Variants in CLINT1 observed in about 807,000 individuals in gnomAD.
CLINT1 encodes clathrin interactor 1, also known as clathrin interacting protein localized in the trans-Golgi region.
CLINT1 carries 15 observed loss-of-function variants against 70.4 expected under a neutral mutation model. That is an observed-to-expected ratio of 0.21 (90% CI 0.14 to 0.33). The LOEUF (loss-of-function observed/expected upper bound fraction) is 0.33, where lower values mean the gene tolerates loss of function less well. Ranked by LOEUF, CLINT1 falls within the 10% of genes least tolerant of loss-of-function variation. The probability of loss-of-function intolerance (pLI) is 1.00; values close to 1 mark genes in which losing one functional copy is unlikely to be tolerated. For missense variants in CLINT1, 615 were observed against 778.1 expected (o/e 0.79, Z 2.49); for synonymous variants, 227 against 254.7 (o/e 0.89, Z 1.04).
intron 11 of CLINT1, among the ~76,000 whole-genome samples, chr5:157,789,051 TTTTG>T (rs1464105641): frequency 6.6e-6 from 1 of 152,058 alleles, no homozygotes; most frequent in Non-Finnish European, 1.5e-5. Flanking sequence ...ATCAGATGAT[TTTTG>T]TTTGTCCATC....
At chr5:157,858,829 AG>A in intron 1 of CLINT1, 100 bp downstream of exon 1, 1 of 1,260,034 alleles carries the variant, frequency 7.9e-7, no homozygotes, top group Non-Finnish European at 1.1e-6. Context: ...TGGCAGAGCC[AG>A]GGGGCGTGAC....
intron 10 of CLINT1, chr5:157,790,472 G>A (rs777454302): frequency 1.9e-4 from 61 of 326,182 alleles, no homozygotes; most frequent in Non-Finnish European, 3.4e-4. Flanking sequence ...AACAGGAAGA[G>A]GAAGAATAAT....
At chr5:157,813,367 G>T in intron 4 of CLINT1, 140 bp from the exon 5 acceptor site, 1 of 798,310 alleles carries the variant, frequency 1.3e-6, no homozygotes, top group Non-Finnish European at 1.9e-6. Flanking sequence ...GGCAAGTTGT[G>T]CTATTTAACT....
intron 8 of CLINT1, among the ~76,000 whole-genome samples, chr5:157,799,027 A>G (rs1762141235): frequency 6.6e-6 from 1 of 152,152 alleles, no homozygotes; most frequent in Admixed American, 6.5e-5. Flanking sequence ...ATGAAAAGTC[A>G]TATCTAAAAG....
chr5:157,838,518 C>T (rs945365930), intron 1 of CLINT1, among the ~76,000 whole-genome samples: 2 of 152,212 alleles, frequency 1.3e-5, no homozygotes, highest in African/African-American at 4.8e-5. Context: ...TTAATTTTAT[C>T]TATAAATTCT....
chr5:157,823,887 C>T (rs182822357), intron 1 of CLINT1: 130 of 156,130 alleles, frequency 8.3e-4, no homozygotes, highest in Admixed American at 2.8e-3. Context: ...CAGTGGTGGC[C>T]TTAGGAGCGT....
chr5:157,806,554 C>T (rs1762390311), intron 6 of CLINT1, among the ~76,000 whole-genome samples: 1 of 152,090 alleles, frequency 6.6e-6, no homozygotes, highest in Non-Finnish European at 1.5e-5. Flanking sequence ...CAACACAATT[C>T]TGCATCAACT....
At position 157,787,512 on chromosome 5, in the gene CLINT1, C is replaced by G. The variant is rs1164469675; in HGVS notation, c.*134G>C. 5 of 798,442 alleles carry G rather than the reference C, an allele frequency of 6.3e-6. No homozygotes were observed. Among genetic ancestry groups the G allele is most frequent in the Non-Finnish European group, 1.0e-5 (5 of 501,764 alleles). The allele number at this position is 798,442 out of a possible 1,614,324, so 49.5% of individuals were successfully genotyped here. On this transcript the variant is annotated 3_prime_UTR_variant, in exon 12 of 12. Transcript: ENST00000411809. ...GGATATTTCACTTTTATAAAACAGC[C>G]TTTTTGGTTCTTTATGTAGATTTAT...
rs1224817278 is a variant in CLINT1 at position 157,787,099 on chromosome 5, G to C, written c.*547C>G. 1 of 153,462 alleles carries C rather than the reference G, an allele frequency of 6.5e-6. No individual in the cohort carries two copies. Among genetic ancestry groups the C allele is most frequent in the Non-Finnish European group, 1.5e-5 (1 of 68,878 alleles). The allele number at this position is 153,462 out of a possible 1,614,324, so 9.5% of individuals were successfully genotyped here. A position where few individuals can be genotyped will look rare whatever the true frequency, so the allele number is the denominator to read the frequency against. On this transcript the variant is annotated 3_prime_UTR_variant, in exon 12 of 12. Transcript: ENST00000411809. ...CATTAGCAAAAGTATATACATTCCA[G>C]TTACCTTTGATTTAGCCATAATCAC...
chr5:157,816,081 G>A (rs765163797), intron 3 of CLINT1, among the ~76,000 whole-genome samples: 5 of 152,118 alleles, frequency 3.3e-5, no homozygotes, highest in Non-Finnish European at 5.9e-5. Flanking sequence ...GAATGACACT[G>A]AATGTTTTCA....
At chr5:157,800,534 T>C (rs1253379846) in intron 8 of CLINT1, among the ~76,000 whole-genome samples, 1 of 152,182 alleles carries the variant, frequency 6.6e-6, no homozygotes, top group Non-Finnish European at 1.5e-5. Flanking sequence ...TGGGAGTAAC[T>C]AAATTTATGT....
At chr5:157,820,180 GCTC>G (rs1416945093) in intron 1 of CLINT1, among the ~76,000 whole-genome samples, 1 of 152,200 alleles carries the variant, frequency 6.6e-6, no homozygotes. Context: ...AGGTGCAGTG[GCTC>G]CTATCTGTAA....
At chr5:157,826,155 C>T (rs1048028335) in intron 1 of CLINT1, among the ~76,000 whole-genome samples, 4 of 152,082 alleles carry the variant, frequency 2.6e-5, no homozygotes, top group East Asian at 1.9e-4. Flanking sequence ...CTAACATTCT[C>T]GGAAGATTAA....
intron 1 of CLINT1, among the ~76,000 whole-genome samples, chr5:157,827,459 A>T (rs1048507264): frequency 6.6e-6 from 1 of 152,234 alleles, no homozygotes; most frequent in Non-Finnish European, 1.5e-5. Context: ...AACAAAAAAA[A>T]TATTTAAACC....
At chr5:157,813,455 A>G (rs747656561) in intron 4 of CLINT1, among the ~76,000 whole-genome samples, 9 of 152,322 alleles carry the variant, frequency 5.9e-5, no homozygotes, top group Non-Finnish European at 1.2e-4. Flanking sequence ...ATGAACTAAA[A>G]AGGACCACAG....
At chr5:157,818,317 T>G (rs973398615) in intron 1 of CLINT1, among the ~76,000 whole-genome samples, 3 of 151,950 alleles carry the variant, frequency 2.0e-5, no homozygotes, top group Admixed American at 6.6e-5. Flanking sequence ...AACCAATAAA[T>G]AAGAATACTA....
In CLINT1 at chr5:157,859,138, C is replaced by G. The variant is rs1753864620; in HGVS notation, c.-168G>C. The G allele has an allele frequency of 1.6e-6, 1 of 617,914 alleles. No individual in the cohort carries two copies. Among genetic ancestry groups the G allele is most frequent in the Non-Finnish European group, 2.7e-6 (1 of 371,996 alleles). The allele number at this position is 617,914 out of a possible 1,614,324, so 38.3% of individuals were successfully genotyped here. ...AGCAGCGGCGCCGCCGGTGACACGT[C>G]GAGACGCGGCAGCACAGGCGCTGCG... On this transcript the variant is annotated 5_prime_UTR_variant, in exon 1 of 12. Transcript: ENST00000411809.
At chr5:157,817,081 T>C (rs1249276687) in intron 2 of CLINT1, among the ~76,000 whole-genome samples, 8 of 152,116 alleles carry the variant, frequency 5.3e-5, no homozygotes, top group African/African-American at 7.2e-5. Context: ...TAATATACTT[T>C]GCAAGCTCTT....
Position 157,787,868 on chromosome 5 carries a change from G to T in CLINT1, c.1656C>A (p.Ser552Arg). The T allele has an allele frequency of 6.2e-7, 1 of 1,613,910 alleles. No homozygotes were observed. The highest frequency in any genetic ancestry group is 8.5e-7 in the Non-Finnish European group (1 of 1,179,844). ...NALIGGPMPM[S>R]MPNVMTGTMG... ...TGGTGCCAGTCATCACATTGGGCAT[G>T]CTCATAGGCATGGGTCCCCCTATCA... Residue 552 changes from serine (S) to arginine (R), a missense_variant, in exon 12 of 12, where the codon AGC becomes AGA. Ser to Arg is a moderately radical substitution (Grantham distance 110). Coordinates refer to ENST00000411809, the MANE Select transcript of CLINT1 (RefSeq NM_014666.4).
Sources: gnomAD v4.1 joint callset for allele counts (sites outside exome capture counted in the v4.1 genomes callset) on GRCh38, gnomAD v4.1.1 for gene constraint, MANE v1.5 for transcripts, NCBI Gene and HGNC (gene_info 2026-07-23, HGNC 2026-07-21) for gene names.